C3orf52: variants seen among roughly 807,000 people sequenced by gnomAD.
C3orf52 encodes chromosome 3 open reading frame 52, also known as TPA-induced transmembrane protein.
Under a neutral mutation model 24.8 loss-of-function variants are expected in C3orf52, and 22 were observed. The ratio of observed to expected loss-of-function variants is 0.89; its 90% confidence interval spans 0.63 to 1.27. C3orf52 has a LOEUF of 1.27. C3orf52 is among the 50% of genes most tolerant of loss of function. The probability of loss-of-function intolerance (pLI) is 0.00; values close to 1 mark genes in which losing one functional copy is unlikely to be tolerated. For synonymous variants in C3orf52, 93 were observed against 100.2 expected (o/e 0.93, Z 0.43); for missense variants, 265 against 260.7 (o/e 1.02, Z -0.11).
At chr3:112,116,481 GTGT>G (rs1266310236) in intron 5 of C3orf52, among the ~76,000 whole-genome samples, 158 bp from the exon 6 acceptor site, 2 of 151,424 alleles carry the variant, frequency 1.3e-5, no homozygotes, top group Non-Finnish European at 2.9e-5. Context: ...CGGTGTGTGT[GTGT>G]TGGACTGAAG....
At chr3:112,109,939 C>T (rs2074062048) in intron 4 of C3orf52, 1 of 249,484 alleles carries the variant, frequency 4.0e-6, no homozygotes, top group African/African-American at 2.2e-5. Flanking sequence ...AGAAATAGAT[C>T]TCAGGTCGTG....
exon 5 of C3orf52, chr3:112,128,567 G>A (rs754005533): frequency 2.0e-5 from 5 of 249,722 alleles, no homozygotes; most frequent in South Asian, 5.1e-5. Context: ...CTTGTTCATC[G>A]TGGTATGTAT....
chr3:112,113,218 G>C (rs2074103435), intron 5 of C3orf52, 73 bp downstream of exon 5: 1 of 1,217,758 alleles, frequency 8.2e-7, no homozygotes. Flanking sequence ...AAATTGGCTT[G>C]GTTCGATTTG....
intron 4 of C3orf52, chr3:112,123,702 C>T: frequency 6.2e-7 from 1 of 1,614,058 alleles, no homozygotes; most frequent in Non-Finnish European, 8.5e-7. Flanking sequence ...CCCTGATGGC[C>T]TTGTACAGAG....
chr3:112,119,668 T>C (rs183484206), downstream of C3orf52: 329 of 596,454 alleles, frequency 5.5e-4, no homozygotes, highest in Non-Finnish European at 7.8e-4. Context: ...TCTCTCAATG[T>C]CCTCCTTCTC....
At chr3:112,125,812 T>C (rs1490653363) in intron 4 of C3orf52, among the ~76,000 whole-genome samples, 3 of 152,162 alleles carry the variant, frequency 2.0e-5, no homozygotes, top group Non-Finnish European at 4.4e-5. Context: ...AGCTAAATAT[T>C]CCCATTCCTA....
chr3:112,103,292 A>G (rs1373500451), intron 3 of C3orf52, among the ~76,000 whole-genome samples: 1 of 152,134 alleles, frequency 6.6e-6, no homozygotes, highest in Non-Finnish European at 1.5e-5. Flanking sequence ...GTGACAAAAT[A>G]ATCTGTACAA....
downstream of C3orf52, chr3:112,122,629 A>G (rs2074221994): frequency 6.6e-6 from 1 of 152,166 alleles, no homozygotes; most frequent in African/African-American, 2.4e-5. Context: ...AGGGCTTTCT[A>G]TTTAGCATAC....
chr3:112,130,733 T>C (rs890825713), downstream of C3orf52: 15 of 565,430 alleles, frequency 2.7e-5, no homozygotes, highest in Admixed American at 4.1e-4. Context: ...CCACTGATGT[T>C]CTCCAACCTC....
chr3:112,092,335 A>G (rs1250262279), intron 1 of C3orf52, among the ~76,000 whole-genome samples: 1 of 152,214 alleles, frequency 6.6e-6, no homozygotes, highest in African/African-American at 2.4e-5. Flanking sequence ...TTGGAATCCA[A>G]GTGTGTTAGA....
Position 112,110,949 on chromosome 3 carries a change from A to G in C3orf52, c.467+1336A>G, listed in dbSNP as rs138042653. The stretch of plus-strand genomic sequence containing the variant: ...CAATGGGCTGGGCATGGTGGCTTAC[A>G]CCTGTAATCCCAGTACTTTGGGAGG... On this transcript the variant is annotated intron_variant, in intron 4 of 5. Transcript: ENST00000264848. Among the ~76,000 whole-genome samples the G allele has an allele frequency of 1.8e-3, 281 of 152,284 alleles. 6 individuals are homozygous for G. In the East Asian group the frequency reaches 0.047, roughly 25 times the overall value.
chr3:112,130,683 A>C (rs1244728397), downstream of C3orf52: 1 of 640,614 alleles, frequency 1.6e-6, no homozygotes, highest in Non-Finnish European at 2.8e-6. Context: ...GTCGCAAGCT[A>C]CCTTTGATCT....
At chr3:112,133,086 A>G (rs564831298), downstream of C3orf52, 1 of 1,613,370 alleles carries the variant, frequency 6.2e-7, no homozygotes, top group Admixed American at 1.7e-5. Flanking sequence ...GGGAGTCTAG[A>G]CTTACCTGTT....
rs1158351124 is a variant in C3orf52 at position 112,113,150 on chromosome 3, G to C, written c.649+5G>C. 7 of 1,583,696 alleles carry C rather than the reference G, an allele frequency of 4.4e-6. No individual in the cohort carries two copies. The highest frequency in any genetic ancestry group is 3.7e-5 in the Admixed American group (2 of 54,712). On this transcript the variant is annotated splice_donor_5th_base_variant and intron_variant, in intron 5 of 5. Coordinates refer to ENST00000264848, the MANE Select transcript of C3orf52 (RefSeq NM_024616.3). The stretch of plus-strand genomic sequence containing the variant: ...CAACATCCCTCTTGCTCTATGGTAA[G>C]TAGAGCAAGTAAAGAAGTCAGAGTT...
chr3:112,098,245 A>G (rs1272951822), intron 2 of C3orf52, among the ~76,000 whole-genome samples: 1 of 152,266 alleles, frequency 6.6e-6, no homozygotes, highest in African/African-American at 2.4e-5. Flanking sequence ...GGAAGCCAAC[A>G]TTTCTCTGTC....
intron 2 of C3orf52, among the ~76,000 whole-genome samples, chr3:112,095,019 C>T (rs779014512): frequency 3.3e-5 from 5 of 152,212 alleles, no homozygotes; most frequent in Non-Finnish European, 5.9e-5. Context: ...CTTCTCCCAA[C>T]CCCTTAATTT....
downstream of C3orf52, among the ~76,000 whole-genome samples, chr3:112,119,136 A>C (rs1213471913): frequency 1.3e-5 from 2 of 152,102 alleles, no homozygotes; most frequent in Non-Finnish European, 2.9e-5. Context: ...TAATCCCAGC[A>C]CTTTGGGAGG....
At chr3:112,091,120 A>C (rs777969402) in intron 1 of C3orf52, among the ~76,000 whole-genome samples, 3 of 152,228 alleles carry the variant, frequency 2.0e-5, no homozygotes, top group Non-Finnish European at 2.9e-5. Flanking sequence ...CCTCAGAGTC[A>C]GTGTAAAGTG....
chr3:112,114,567 G>A (rs2074117136), intron 5 of C3orf52, among the ~76,000 whole-genome samples: 1 of 152,090 alleles, frequency 6.6e-6, no homozygotes, highest in African/African-American at 2.4e-5. Context: ...AGCCGGGCAT[G>A]GTGGCAGGTG....
Sources: allele counts gnomAD v4.1 joint callset (sites outside exome capture counted in the v4.1 genomes callset), GRCh38; gene constraint gnomAD v4.1.1; transcripts MANE v1.5; gene names NCBI Gene and HGNC (gene_info 2026-07-23, HGNC 2026-07-21).